Variants in PTCH2 observed in about 807,000 individuals in gnomAD.
PTCH2 encodes patched 2, also known as protein patched homolog 2.
A neutral mutation model predicts 117.9 loss-of-function variants in PTCH2; 96 were observed. The ratio of observed to expected loss-of-function variants is 0.81; its 90% CI spans 0.69 to 0.96. The LOEUF (loss-of-function observed/expected upper bound fraction) is 0.96. Ranked by LOEUF, PTCH2 falls within the 50% of genes least tolerant of loss-of-function variation. PTCH2 has a pLI of 0.00. For synonymous variants in PTCH2, 615 were observed against 660.9 expected (o/e 0.93, Z 1.06); for missense variants, 1,379 against 1,562.5 (o/e 0.88, Z 1.98).
At chr1:44,825,067 C>A (rs112650219) in intron 19 of PTCH2, among the ~76,000 whole-genome samples, 2 of 152,206 alleles carry the variant, frequency 1.3e-5, no homozygotes, top group Non-Finnish European at 2.9e-5. Flanking sequence ...CAGACAGGAT[C>A]TTGTCTACTC....
chr1:44,825,074 A>C (rs1304181828), intron 19 of PTCH2, among the ~76,000 whole-genome samples: 2 of 151,748 alleles, frequency 1.3e-5, no homozygotes, highest in African/African-American at 4.8e-5. Context: ...GATCTTGTCT[A>C]CTCCTCTCTA....
Position 44,828,619 on chromosome 1 carries a change from C to A in PTCH2, c.1477G>T (p.Glu493Ter). 1 of 1,612,654 alleles carries A rather than the reference C, an allele frequency of 6.2e-7. No individual in the cohort carries two copies. Among genetic ancestry groups the A allele is most frequent in the Non-Finnish European group, 8.5e-7 (1 of 1,179,484 alleles). Residue 493 changes from glutamate (E) to a stop codon, truncating the protein, a stop_gained, in exon 12 of 22, where the codon GAG (glutamate) becomes TAG (stop). Coordinates refer to ENST00000372192, the MANE Select transcript of PTCH2 (RefSeq NM_003738.5). LOFTEE classifies it high-confidence loss of function. The part of the protein sequence containing the change: ...PGTPLQERMG[E>*]CLQRTGTSVV... ...CTGGTGCCCGTGCGCTGCAGACACT[C>A]GCCCATGCGCTCCTGCCAGGACAGA...
Position 44,823,526 on chromosome 1 carries a change from A to T in PTCH2, c.3115-141T>A. The stretch of plus-strand genomic sequence containing the variant: ...GGTGAACTAAGTTCATGGGAACTGT[A>T]CAGGGAGCATGCGTGAGTCCTTTTA... On this transcript the variant is annotated intron_variant, in intron 19 of 21. Coordinates refer to ENST00000372192, the MANE Select transcript of PTCH2 (RefSeq NM_003738.5). The surrounding 1 kb of genome is among the most constrained non-coding windows in gnomAD (Gnocchi z 5.1). 1.7e-6 allele frequency: 2 copies of T among 1,165,272 alleles called. No individual in the cohort carries two copies. The highest frequency in any genetic ancestry group is 2.5e-6 in the Non-Finnish European group (2 of 794,468). The allele number at this position is 1,165,272 out of a possible 1,614,324, so 72.2% of individuals were successfully genotyped here. A position where few individuals can be genotyped will look rare whatever the true frequency, so the allele number is the denominator to read the frequency against.
rs776347216 is a variant in PTCH2 at position 44,822,528 on chromosome 1, G to T, written c.3499C>A (p.Pro1167Thr). Residue 1167 changes from proline (P) to threonine (T), a missense_variant, in exon 22 of 22, where the codon CCC becomes ACC. Coordinates refer to ENST00000372192, the MANE Select transcript of PTCH2 (RefSeq NM_003738.5). ...TGGATGTAGGCACCAGGCAGGGGGG[G>T]TGGGTGGATGGCCACGGTCATGGAG... ...TTSMTVAIHP[P>T]PLPGAYIHPA... The T allele has an allele frequency of 1.2e-6, 2 of 1,614,082 alleles. No individual in the cohort carries two copies. The highest frequency in any genetic ancestry group is 2.2e-5 in the South Asian group (2 of 91,086).
intron 2 of PTCH2, among the ~76,000 whole-genome samples, chr1:44,839,376 A>AAAAAAAAAAAAAAAAG (rs1653837110): frequency 7.2e-6 from 1 of 138,266 alleles, no homozygotes; most frequent in Non-Finnish European, 1.6e-5. Context: ...AAAAAAAAAA[A>AAAAAAAAAAAAAAAAG]AAAAAAACAG....
downstream of PTCH2, among the ~76,000 whole-genome samples, chr1:44,821,173 G>C (rs531882994): frequency 6.6e-6 from 1 of 152,242 alleles, no homozygotes; most frequent in East Asian, 1.9e-4. Flanking sequence ...CTATGGCTGG[G>C]AAGGGGCAGT....
chr1:44,830,797 G>C, intron 6 of PTCH2, 51 bp downstream of exon 6: 1 of 1,492,642 alleles, frequency 6.7e-7, no homozygotes, highest in African/African-American at 1.4e-5. Flanking sequence ...GTATGAGGAA[G>C]GGAAAGGGAA....
chr1:44,828,970 ACAAGGC>A lies in PTCH2; in HGVS notation c.1464+6_1464+11del. The A allele has an allele frequency of 6.4e-7, 1 of 1,551,910 alleles. No individual in the cohort carries two copies. The highest frequency in any genetic ancestry group is 8.7e-7 in the Non-Finnish European group (1 of 1,146,986). ...AGCTGCCTCAGATGAGCCCTGGGGG[ACAAGGC>A]CCCACCTGGAGAGGGGTGCCAGGCA... On this transcript the variant is annotated splice_donor_region_variant and intron_variant, in intron 11 of 21. Coordinates refer to ENST00000372192, the MANE Select transcript of PTCH2 (RefSeq NM_003738.5).
chr1:44,821,879 T>A (rs1652925654), downstream of PTCH2: 1 of 1,365,498 alleles, frequency 7.3e-7, no homozygotes, highest in Non-Finnish European at 9.8e-7. Context: ...TTCCAATAGC[T>A]AATGTTCACT....
Position 44,839,185 on chromosome 1 carries a change from C to T in PTCH2, c.265+2662G>A, listed in dbSNP as rs117677634. Among the ~76,000 whole-genome samples the T allele has an allele frequency of 4.7e-4, 71 of 151,992 alleles. 1 individual carries two copies. In the East Asian group the frequency reaches 0.011, roughly 25 times the overall value. ...GTCAGGAGATCGAGGCCAGCATGGC[C>T]AACATGGTGACACCCTGTTTCTACT... On this transcript the variant is annotated intron_variant, in intron 2 of 21. Coordinates refer to ENST00000372192, the MANE Select transcript of PTCH2 (RefSeq NM_003738.5).
intron 2 of PTCH2, among the ~76,000 whole-genome samples, chr1:44,836,708 G>A (rs1438982372): frequency 6.6e-6 from 1 of 151,350 alleles, no homozygotes; most frequent in Non-Finnish European, 1.5e-5. Context: ...CTGTCTCGGG[G>A]GATGGAAAAG....
At position 44,823,402 on chromosome 1, in the gene PTCH2, G is replaced by A. The variant is rs2148872107; in HGVS notation, c.3115-17C>T. ...CAGGAAGCCCTAGGAAAACAGAGTG[G>A]TCCTGGAGCTGCTCCTCTGCCAGTC... On this transcript the variant is annotated splice_polypyrimidine_tract_variant and intron_variant, in intron 19 of 21. Transcript: ENST00000372192. This position sits in a 1 kb window ranked among gnomAD's most constrained non-coding sequence, Gnocchi z 5.1. 6.2e-7 allele frequency: 1 copy of A among 1,614,102 alleles called. No individual in the cohort carries two copies. The highest frequency in any genetic ancestry group is 1.1e-5 in the South Asian group (1 of 91,080).
chr1:44,823,186 G>T lies in PTCH2; in HGVS notation c.3258-18C>A, dbSNP rs1652987425. The stretch of plus-strand genomic sequence containing the variant: ...AGAAGTACCTAGGGGTAGGGTGTGG[G>T]GGGAGTCAGCCCAGGCCTGTCCTGA... On this transcript the variant is annotated intron_variant, in intron 20 of 21. Transcript: ENST00000372192. This position sits in a 1 kb window ranked among gnomAD's most constrained non-coding sequence, Gnocchi z 5.1. 1 of 1,614,148 alleles carries T rather than the reference G, an allele frequency of 6.2e-7. No individual in the cohort carries two copies. The highest frequency in any genetic ancestry group is 2.2e-5 in the East Asian group (1 of 44,880).
chr1:44,835,299 C>T (rs1653636176), intron 2 of PTCH2, among the ~76,000 whole-genome samples: 3 of 152,144 alleles, frequency 2.0e-5, no homozygotes, highest in Admixed American at 2.0e-4. Flanking sequence ...TCAAGTGATC[C>T]TCCCACCTCA....
rs1391113755 is a variant in PTCH2, at chr1:44,832,141, G to C, written c.455+11C>G. On this transcript the variant is annotated intron_variant, in intron 3 of 21. Coordinates refer to ENST00000372192, the MANE Select transcript of PTCH2 (RefSeq NM_003738.5). The stretch of plus-strand genomic sequence containing the variant: ...TCGCCCCCAGCTGCTCAGGGGCTCA[G>C]CCAGACTCACTTCCCATAGAGTGAT... 6.2e-7 allele frequency: 1 copy of C among 1,614,040 alleles called. No individual in the cohort carries two copies. The highest frequency in any genetic ancestry group is 2.2e-5 in the East Asian group (1 of 44,894).
chr1:44,820,998 GTTGTTGTTGTTT>G (rs1183323612), downstream of PTCH2, among the ~76,000 whole-genome samples: 3 of 152,206 alleles, frequency 2.0e-5, no homozygotes, highest in Admixed American at 6.5e-5. Context: ...GGCGTTTTTT[GTTGTTGTTGTTT>G]TTGTTGTTGT....
intron 16 of PTCH2, 34 bp downstream of exon 16, chr1:44,827,133 C>T: frequency 6.2e-7 from 1 of 1,613,988 alleles, no homozygotes; most frequent in South Asian, 1.1e-5. Flanking sequence ...CCTGCAGCCC[C>T]TGTACTAGTG....
At chr1:44,829,589 C>T (rs936961581) in intron 8 of PTCH2, 25 bp downstream of exon 8, 3 of 1,614,000 alleles carry the variant, frequency 1.9e-6, no homozygotes, top group East Asian at 2.2e-5. Flanking sequence ...CTCAGGGCAC[C>T]CCCCTTGTCC....
chr1:44,827,362 C>G, intron 15 of PTCH2, 40 bp downstream of exon 15: 1 of 1,613,698 alleles, frequency 6.2e-7, no homozygotes, highest in Non-Finnish European at 8.5e-7. Flanking sequence ...GGGCGTTTCT[C>G]CCTGCAGCAC....
Sources: gnomAD v4.1 joint callset for allele counts (sites outside exome capture counted in the v4.1 genomes callset) on GRCh38, gnomAD v4.1.1 for gene constraint, Gnocchi (gnomAD v3.1) non-coding constraint, MANE v1.5 for transcripts, NCBI Gene and HGNC (gene_info 2026-07-23, HGNC 2026-07-21) for gene names.